Variants in DDR2 observed in about 807,000 individuals in gnomAD.
DDR2 encodes the protein discoidin domain-containing receptor 2.
A neutral mutation model predicts 94.9 loss-of-function variants in DDR2; 27 were observed. The observed-to-expected ratio is 0.28, with a 90% CI of 0.21 to 0.39. The LOEUF (loss-of-function observed/expected upper bound fraction) is 0.39, where lower values mean the gene tolerates loss of function less well. Ranked by LOEUF, DDR2 falls within the 10% of genes least tolerant of loss-of-function variation. DDR2 has a pLI of 1.00. For missense variants in DDR2, 783 were observed against 1,076.0 expected (o/e 0.73, Z 3.81); for synonymous variants, 382 against 377.2 (o/e 1.01, Z -0.15).
At chr1:162,638,524 C>A (rs1557997918) in intron 1 of DDR2, among the ~76,000 whole-genome samples, 1 of 152,292 alleles carries the variant, frequency 6.6e-6, no homozygotes, top group East Asian at 1.9e-4. Flanking sequence ...CCAATATATG[C>A]CACTTCCATT....
chr1:162,730,075 A>AT (rs1435598821), intron 3 of DDR2, among the ~76,000 whole-genome samples: 1 of 148,698 alleles, frequency 6.7e-6, no homozygotes, highest in Non-Finnish European at 1.5e-5. Context: ...AAAAAAAAAA[A>AT]TCTAAATGAT....
At chr1:162,750,549 C>T (rs1367249738) in intron 3 of DDR2, among the ~76,000 whole-genome samples, 4 of 152,122 alleles carry the variant, frequency 2.6e-5, no homozygotes, top group Admixed American at 2.0e-4. Flanking sequence ...GAATCAATAT[C>T]GTGGAAATGG....
At chr1:162,776,045 C>T in intron 15 of DDR2, 91 bp from the exon 16 acceptor site, 1 of 1,360,918 alleles carries the variant, frequency 7.3e-7, no homozygotes. Context: ...GAGCTTTCAA[C>T]CCTAGTTTGT....
intron 3 of DDR2, among the ~76,000 whole-genome samples, chr1:162,726,405 G>C (rs1331326405): frequency 1.3e-5 from 2 of 152,078 alleles, no homozygotes; most frequent in Non-Finnish European, 2.9e-5. Context: ...TACATCTACT[G>C]CATCATCACC....
chr1:162,739,845 G>A (rs1662502262), intron 3 of DDR2, among the ~76,000 whole-genome samples: 1 of 151,998 alleles, frequency 6.6e-6, no homozygotes, highest in East Asian at 1.9e-4. Flanking sequence ...GTGGGATATG[G>A]GAATATTTTT....
intron 1 of DDR2, among the ~76,000 whole-genome samples, chr1:162,640,506 A>C (rs1657077441): frequency 6.6e-6 from 1 of 152,136 alleles, no homozygotes; most frequent in African/African-American, 2.4e-5. Flanking sequence ...TTTGCTGTGA[A>C]CCTACAACTG....
intron 2 of DDR2, among the ~76,000 whole-genome samples, chr1:162,669,293 C>G (rs78327791): frequency 6.6e-6 from 1 of 152,258 alleles, no homozygotes; most frequent in East Asian, 1.9e-4. Flanking sequence ...CGGGGAAAAA[C>G]GTTGTTTGTA....
At chr1:162,779,317 T>G (rs867710194) in intron 17 of DDR2, among the ~76,000 whole-genome samples, 3 of 152,226 alleles carry the variant, frequency 2.0e-5, no homozygotes, top group Non-Finnish European at 2.9e-5. Context: ...AGCTTTTTTT[T>G]GGGTGGCTTA....
intron 1 of DDR2, among the ~76,000 whole-genome samples, chr1:162,642,751 A>G (rs1657202959): frequency 6.6e-6 from 1 of 152,146 alleles, no homozygotes. Context: ...CTCTGATGAT[A>G]GAAGTGCTTA....
chr1:162,776,476 T>G, intron 16 of DDR2, 106 bp downstream of exon 16: 1 of 949,210 alleles, frequency 1.1e-6, no homozygotes, highest in Non-Finnish European at 1.6e-6. Flanking sequence ...CTCAATAGAC[T>G]GTAGTATTTT....
At chr1:162,678,747 C>T (rs923814478) in intron 2 of DDR2, among the ~76,000 whole-genome samples, 2 of 152,166 alleles carry the variant, frequency 1.3e-5, no homozygotes, top group East Asian at 3.9e-4. Flanking sequence ...CTAAGGCTCC[C>T]TCGGGCAACA....
chr1:162,742,266 C>T (rs1261483808), intron 3 of DDR2, among the ~76,000 whole-genome samples: 2 of 152,212 alleles, frequency 1.3e-5, no homozygotes, highest in East Asian at 1.9e-4. Context: ...GCTGTTCTTG[C>T]ATTGTTATAA....
intron 1 of DDR2, among the ~76,000 whole-genome samples, chr1:162,633,086 G>C (rs1275399603): frequency 6.6e-6 from 1 of 152,120 alleles, no homozygotes; most frequent in Non-Finnish European, 1.5e-5. Flanking sequence ...TTGTTTTTCA[G>C]GGGAGTTGCT....
At chr1:162,632,658 A>ATTATTTTTTTCT (rs1656613269) in intron 1 of DDR2, 27 bp downstream of exon 1, 1 of 152,038 alleles carries the variant, frequency 6.6e-6, no homozygotes, top group Admixed American at 6.5e-5. Flanking sequence ...TTTTTTCTTT[A>ATTATTTTTTTCT]TTATTTTTTC....
chr1:162,781,397 T>C lies in DDR2; in HGVS notation c.*1151T>C, dbSNP rs1378875039. 6.6e-6 allele frequency: 1 copy of C among 152,184 alleles called. No individual in the cohort carries two copies. Among genetic ancestry groups the C allele is most frequent in the Non-Finnish European group, 1.5e-5 (1 of 68,044 alleles). The allele number at this position is 152,184 out of a possible 1,614,324, so 9.4% of individuals were successfully genotyped here. On this transcript the variant is annotated 3_prime_UTR_variant, in exon 18 of 18. Transcript: ENST00000367921. ...CAGGGAGACTGATTTCCATTCCTTA[T>C]TGGGGAAAACGAAGCACTCAGAACA...
In DDR2 at chr1:162,718,202, C is replaced by T. The variant is rs73024573; in HGVS notation, c.-27-835C>T. 7.6e-3 allele frequency among the ~76,000 whole-genome samples: 1,163 copies of T among 152,256 alleles called. 19 individuals carry two copies. The highest frequency in any genetic ancestry group is 0.034 in the East Asian group (178 of 5,176). On this transcript the variant is annotated intron_variant, in intron 2 of 17. Coordinates refer to ENST00000367921, the MANE Select transcript of DDR2 (RefSeq NM_006182.4). ...ATACCCCATCATCTTTTTGTGTGTA[C>T]ATTTTCTCAATTTCTGGCACTAAAA...
At chr1:162,749,314 T>C (rs1380132199) in intron 3 of DDR2, among the ~76,000 whole-genome samples, 8 of 152,166 alleles carry the variant, frequency 5.3e-5, no homozygotes. Flanking sequence ...TAAAAAATGA[T>C]AAAGGAGTTA....
At chr1:162,701,400 G>A (rs1558035008) in intron 2 of DDR2, among the ~76,000 whole-genome samples, 1 of 152,180 alleles carries the variant, frequency 6.6e-6, no homozygotes, top group African/African-American at 2.4e-5. Context: ...TGGTCATGTG[G>A]GAGTGTTCAT....
intron 2 of DDR2, among the ~76,000 whole-genome samples, chr1:162,683,726 C>A (rs1659527091): frequency 6.6e-6 from 1 of 151,520 alleles, no homozygotes; most frequent in Non-Finnish European, 1.5e-5. Flanking sequence ...ATAAAAAGAT[C>A]TAAATAAACA....
Sources: allele counts gnomAD v4.1 joint callset (sites outside exome capture counted in the v4.1 genomes callset), GRCh38; gene constraint gnomAD v4.1.1; transcripts MANE v1.5; gene names NCBI Gene and HGNC (gene_info 2026-07-23, HGNC 2026-07-21).